Variants in DMD observed in about 807,000 individuals in gnomAD.
The protein encoded by DMD is mutant dystrophin.
Under a neutral mutation model 330.1 loss-of-function variants are expected in DMD, and 63 were observed. That is an observed-to-expected ratio of 0.19 (90% CI 0.16 to 0.24). DMD has a LOEUF of 0.24. Among genes scored for constraint, DMD ranks in the 10% least tolerant of loss-of-function variants. DMD has a pLI of 1.00. For missense variants in DMD, 3,344 were observed against 2,684.1 expected, an observed-to-expected ratio of 1.25 and a Z score of -5.43; for synonymous variants, 1,223 against 959.8, an observed-to-expected ratio of 1.27 and a Z score of -5.07.
chrX:31,311,102 G>C (rs1252834376), intron 62 of DMD, among the ~76,000 whole-genome samples: 1 of 111,500 alleles, frequency 9.0e-6, no homozygotes, highest in Non-Finnish European at 1.9e-5. Flanking sequence ...GAAATGTTCT[G>C]CATGTAATAC....
At chrX:31,249,009 C>T (rs2049090818) in intron 63 of DMD, among the ~76,000 whole-genome samples, 2 of 111,852 alleles carry the variant, frequency 1.8e-5, no homozygotes, top group South Asian at 7.6e-4. Context: ...TCAGCACTTC[C>T]ATTCTTGAGT....
intron 2 of DMD, among the ~76,000 whole-genome samples, chrX:32,972,881 A>G (rs1281017099): frequency 8.9e-6 from 1 of 111,871 alleles, no homozygotes; most frequent in East Asian, 2.8e-4. Flanking sequence ...ATTGTTCTGG[A>G]TTATTATATT....
intron 44 of DMD, among the ~76,000 whole-genome samples, chrX:32,199,110 C>T (rs1474328200): frequency 8.9e-6 from 1 of 112,097 alleles, no homozygotes; most frequent in African/African-American, 3.2e-5. Context: ...CAGTGAGAGT[C>T]AGGTTCATTA....
intron 44 of DMD, among the ~76,000 whole-genome samples, chrX:32,058,403 C>G (rs2096196779): frequency 9.2e-6 from 1 of 109,230 alleles, no homozygotes; most frequent in Non-Finnish European, 1.9e-5. Context: ...TTCGAACAAC[C>G]CAATTTTTAA....
At chrX:31,294,020 A>G (rs1022071487) in intron 62 of DMD, among the ~76,000 whole-genome samples, 1 of 112,203 alleles carries the variant, frequency 8.9e-6, no homozygotes, top group Non-Finnish European at 1.9e-5. Context: ...AAAATACAAA[A>G]AAAAGGAAAG....
At chrX:33,171,853 G>A (rs1262511887) in intron 1 of DMD, among the ~76,000 whole-genome samples, 1 of 110,802 alleles carries the variant, frequency 9.0e-6, no homozygotes, top group Non-Finnish European at 1.9e-5. Flanking sequence ...TATATGGTTG[G>A]TGCTGTGCTT....
At chrX:32,681,420 A>AC (rs1039760790) in intron 9 of DMD, among the ~76,000 whole-genome samples, 2 of 111,656 alleles carry the variant, frequency 1.8e-5, no homozygotes, top group African/African-American at 6.5e-5. Flanking sequence ...AGCATATCCC[A>AC]CCTTGTATTA....
At chrX:32,816,778 A>C in intron 5 of DMD, 138 bp from the exon 6 acceptor site, 1 of 574,440 alleles carries the variant, frequency 1.7e-6, no homozygotes, top group South Asian at 2.8e-5. Flanking sequence ...AATAGATTCT[A>C]CCAGAAGTTA....
rs182648547 is a variant in DMD at position 31,664,427 on chromosome X, T to C, written c.7873-6283A>G. Reference sequence around the variant, plus strand: ...AGATTTAAGTTCTTATTTACTTGATTTATTTGCAGCAACTGGTGCTGCTGA... The same window carrying C: ...AGATTTAAGTTCTTATTTACTTGATCTATTTGCAGCAACTGGTGCTGCTGA... On this transcript the variant is annotated intron_variant, in intron 53 of 78. Coordinates refer to ENST00000357033, the MANE Select transcript of DMD (RefSeq NM_004006.3). 3.2e-3 allele frequency among the ~76,000 whole-genome samples: 358 copies of C among 111,410 alleles called. 3 individuals are homozygous for C. Among genetic ancestry groups the C allele is most frequent in the Admixed American group, 5.7e-3 (60 of 10,454 alleles).
chrX:33,011,468 A>G (rs1477880939), intron 2 of DMD, among the ~76,000 whole-genome samples: 1 of 112,124 alleles, frequency 8.9e-6, no homozygotes, highest in Non-Finnish European at 1.9e-5. Flanking sequence ...AAATGTCACC[A>G]TATTTTAAAA....
rs146851375 is a variant in DMD at position 31,700,591 on chromosome X, T to C, written c.7661-21005A>G. ...AAAGATGAGCTGGGTGAGAGGAGGA[T>C]TGGGTTTTTACCACTGGTTGGAGGA... On this transcript the variant is annotated intron_variant, in intron 52 of 78. Coordinates refer to ENST00000357033, the MANE Select transcript of DMD (RefSeq NM_004006.3). Among the ~76,000 whole-genome samples the C allele has an allele frequency of 4.5e-4, 50 of 112,070 alleles. No homozygotes were observed. The East Asian group carries it at 9.8e-3, about 22-fold the overall frequency.
chrX:31,593,541 T>C (rs1249272498), intron 55 of DMD, among the ~76,000 whole-genome samples: 3 of 111,511 alleles, frequency 2.7e-5, no homozygotes, highest in Non-Finnish European at 5.7e-5. Context: ...GAGCCTCTCT[T>C]ATCTGATTGT....
chrX:32,856,274 G>T (rs2081549158), intron 2 of DMD, among the ~76,000 whole-genome samples: 1 of 111,752 alleles, frequency 8.9e-6, no homozygotes, highest in African/African-American at 3.3e-5. Context: ...ACTGAAAACA[G>T]AACTACCATA....
At chrX:32,935,237 C>G (rs1350488387) in intron 2 of DMD, among the ~76,000 whole-genome samples, 1 of 112,799 alleles carries the variant, frequency 8.9e-6, no homozygotes, top group Non-Finnish European at 1.9e-5. Flanking sequence ...CTCGGCCTCC[C>G]AAAGTGCTGG....
At chrX:31,305,936 G>T (rs2054994547) in intron 62 of DMD, among the ~76,000 whole-genome samples, 1 of 112,245 alleles carries the variant, frequency 8.9e-6, no homozygotes, top group Non-Finnish European at 1.9e-5. Flanking sequence ...ACTTTACATT[G>T]TGAACATTAA....
intron 61 of DMD, among the ~76,000 whole-genome samples, chrX:31,345,360 C>T (rs147215464): frequency 0.02 from 2,186 of 111,641 alleles, 63 homozygotes; most frequent in African/African-American, 0.067. Context: ...GGCCGATGTT[C>T]TACCACCTCA....
intron 66 of DMD, among the ~76,000 whole-genome samples, chrX:31,204,504 T>C (rs1264434438): frequency 2.7e-5 from 3 of 112,417 alleles, no homozygotes; most frequent in African/African-American, 9.7e-5. Flanking sequence ...ACCACCCTCC[T>C]TGGACACCAG....
chrX:32,743,797 C>T (rs559022578), intron 7 of DMD, among the ~76,000 whole-genome samples: 49 of 111,417 alleles, frequency 4.4e-4, no homozygotes, highest in African/African-American at 1.4e-3. Context: ...TGCCATAGCA[C>T]CCATTACTTA....
At chrX:32,757,996 G>A (rs190868034) in intron 7 of DMD, among the ~76,000 whole-genome samples, 1,861 of 111,701 alleles carry the variant, frequency 0.017, 50 homozygotes, top group African/African-American at 0.057. Flanking sequence ...GTCCTTCAAA[G>A]GGACATTTCT....
Sources: gnomAD v4.1 joint callset for allele counts (sites outside exome capture counted in the v4.1 genomes callset) on GRCh38, gnomAD v4.1.1 for gene constraint, MANE v1.5 for transcripts, NCBI Gene and HGNC (gene_info 2026-07-23, HGNC 2026-07-21) for gene names.